The following INPP5D variants were observed in gnomAD, a reference collection of about 807,000 sequenced individuals.
INPP5D encodes inositol polyphosphate-5-phosphatase D.
INPP5D carries 33 observed loss-of-function variants against 122.9 expected under a neutral mutation model. The observed-to-expected ratio is 0.27, with a 90% CI of 0.20 to 0.36. The LOEUF is 0.36. Among genes scored for constraint, INPP5D ranks in the 10% least tolerant of loss-of-function variants. INPP5D has a pLI of 1.00. For synonymous variants in INPP5D, 584 were observed against 576.2 expected (o/e 1.01, Z -0.19); for missense variants, 1,053 against 1,412.7 (o/e 0.75, Z 4.08).
chr2:233,178,609 A>T (rs527486856), intron 18 of INPP5D, among the ~76,000 whole-genome samples: 5 of 152,078 alleles, frequency 3.3e-5, no homozygotes, highest in Admixed American at 2.0e-4. Flanking sequence ...CAGACTCCCG[A>T]GTAGCTGGGA....
rs1390898684 is a variant in INPP5D at position 233,078,463 on chromosome 2, C to A, written c.135-872C>A. Among the ~76,000 whole-genome samples, 2 of 152,204 alleles carry A rather than the reference C, an allele frequency of 1.3e-5. No homozygotes were observed. Among genetic ancestry groups the A allele is most frequent in the Non-Finnish European group, 2.9e-5 (2 of 68,036 alleles). On this transcript the variant is annotated intron_variant, in intron 1 of 26. Transcript: ENST00000445964. The surrounding 1 kb of genome is among the most constrained non-coding windows in gnomAD (Gnocchi z 4.6). ...AGGTCTCGGCAAGGCTGGTGGCCAA[C>A]CCCTGGGAGATAATCCACGGGGCAT...
chr2:233,173,659 C>T (rs1336105195), intron 17 of INPP5D, among the ~76,000 whole-genome samples: 2 of 151,970 alleles, frequency 1.3e-5, no homozygotes, highest in African/African-American at 4.8e-5. Context: ...AGGCTGGGCA[C>T]CGTGGCTTAT....
intron 17 of INPP5D, among the ~76,000 whole-genome samples, chr2:233,176,453 A>G (rs1333625817): frequency 3.5e-5 from 4 of 112,796 alleles, no homozygotes; most frequent in Admixed American, 9.3e-5. Context: ...GGATGGGTGG[A>G]TAGGTGGATG....
intron 2 of INPP5D, among the ~76,000 whole-genome samples, chr2:233,113,942 T>C (rs1351015759): frequency 2.8e-5 from 4 of 142,606 alleles, no homozygotes; most frequent in African/African-American, 1.2e-4. Context: ...AGTCTCGCTC[T>C]GTCGCCCAGG....
At chr2:233,199,592 G>A (rs1214339632) in intron 25 of INPP5D, among the ~76,000 whole-genome samples, 2 of 151,870 alleles carry the variant, frequency 1.3e-5, no homozygotes. Flanking sequence ...CACTTTGGGA[G>A]GCCGAGGCAG....
At chr2:233,180,073 G>C (rs2106311880) in intron 18 of INPP5D, among the ~76,000 whole-genome samples, 1 of 152,226 alleles carries the variant, frequency 6.6e-6, no homozygotes, top group East Asian at 1.9e-4. Context: ...GCCAGTGCTG[G>C]CTTCTTAGCT....
chr2:233,068,885 C>G (rs1366213219), intron 1 of INPP5D, among the ~76,000 whole-genome samples: 1 of 152,092 alleles, frequency 6.6e-6, no homozygotes, highest in Admixed American at 6.6e-5. Flanking sequence ...TGGAAGCCAG[C>G]AGGAGGAAGG....
In INPP5D at chr2:233,193,951, G is replaced by A; in HGVS notation, c.2586G>A (p.Glu862=). The change falls in exon 23 of 27, where the codon GAG becomes GAA. Residue 862 remains glutamate, a synonymous_variant. Coordinates refer to ENST00000445964, the MANE Select transcript of INPP5D (RefSeq NM_001017915.3). ...AGACCTCTCAGGGCAAGACGAGGGAGAAGCTCTATGGTAAGCAGCAAGCCC... is the reference window on the plus strand; with the variant it reads ...AGACCTCTCAGGGCAAGACGAGGGAAAAGCTCTATGGTAAGCAGCAAGCCC... ...KLQTSQGKTR[E]KLYDFVKTER... 1 of 1,606,564 alleles carries A rather than the reference G, an allele frequency of 6.2e-7. No homozygotes were observed. Among genetic ancestry groups the A allele is most frequent in the African/African-American group, 1.3e-5 (1 of 74,906 alleles).
rs544820988 is a variant in INPP5D, at chr2:233,204,390, G to T, written c.3240G>T (p.Ala1080=). 29 of 1,610,258 alleles carry T rather than the reference G, an allele frequency of 1.8e-5. No homozygotes were observed. Among genetic ancestry groups the T allele is most frequent in the African/African-American group, 1.7e-4 (13 of 74,970 alleles). Reference sequence around the variant, plus strand: ...AGGGGCCCGGCAAGCAGGTGCCCGCGCCCCGGCTGCGCTCCTTCACGTGCT... The same window carrying T: ...AGGGGCCCGGCAAGCAGGTGCCCGCTCCCCGGCTGCGCTCCTTCACGTGCT... ...RGEGPGKQVP[A]PRLRSFTCSS... is the part of the protein sequence containing the mutation. Residue 1080 remains alanine, a synonymous_variant, in exon 26 of 27, where the codon GCG becomes GCT. Coordinates refer to ENST00000445964, the MANE Select transcript of INPP5D (RefSeq NM_001017915.3).
intron 3 of INPP5D, among the ~76,000 whole-genome samples, chr2:233,124,738 G>T (rs888190190): frequency 6.6e-6 from 1 of 152,272 alleles, no homozygotes; most frequent in Non-Finnish European, 1.5e-5. Flanking sequence ...GGGCATGGCT[G>T]TCTGGAGGAA....
intron 14 of INPP5D, chr2:233,169,608 A>G (rs1261688953): frequency 9.4e-6 from 7 of 742,392 alleles, no homozygotes; most frequent in Non-Finnish European, 1.5e-5. Context: ...TCTGAAGGTC[A>G]GAAAAGATAT....
chr2:233,175,686 G>GTT (rs35661704), intron 17 of INPP5D, among the ~76,000 whole-genome samples: 8,533 of 144,206 alleles, frequency 0.059, 574 homozygotes, highest in South Asian at 0.21. Context: ...AAAAACTTTT[G>GTT]TTTTTTTTTT....
At chr2:233,166,195 C>T (rs959224003) in intron 13 of INPP5D, among the ~76,000 whole-genome samples, 1 of 152,164 alleles carries the variant, frequency 6.6e-6, no homozygotes, top group Non-Finnish European at 1.5e-5. Flanking sequence ...TTCCATCGCT[C>T]CCTGGGCTTC....
intron 2 of INPP5D, among the ~76,000 whole-genome samples, chr2:233,102,575 T>C (rs1161136073): frequency 6.6e-6 from 1 of 152,064 alleles, no homozygotes. Flanking sequence ...CCACAGCGCC[T>C]CGGTGGCTCA....
rs1372271241 is a variant in INPP5D, at chr2:233,193,719, A to G, written c.2447-93A>G. 8.1e-6 allele frequency: 13 copies of G among 1,600,174 alleles called. No individual in the cohort carries two copies. In the East Asian group the frequency reaches 8.9e-5, roughly 11 times the overall value. ...ATTAAATAACCCTTGCCTGGGCTAT[A>G]GTTTCAAAGGACCAACTCTCCGGCC... is the stretch of plus-strand genomic sequence containing the variant. On this transcript the variant is annotated intron_variant, in intron 22 of 26. Coordinates refer to ENST00000445964, the MANE Select transcript of INPP5D (RefSeq NM_001017915.3).
chr2:233,119,130 C>T (rs560483240), intron 2 of INPP5D, among the ~76,000 whole-genome samples: 12 of 152,338 alleles, frequency 7.9e-5, no homozygotes, highest in Admixed American at 3.3e-4. Context: ...CATAAAATAA[C>T]GTGTCTTACT....
intron 2 of INPP5D, among the ~76,000 whole-genome samples, chr2:233,114,898 G>A (rs962246974): frequency 1.3e-5 from 2 of 149,938 alleles, no homozygotes; most frequent in East Asian, 1.9e-4. Context: ...ACAGAGTTTC[G>A]CTCTTGTCAC....
chr2:233,170,975 C>T lies in INPP5D; in HGVS notation c.1901-89C>T. The T allele has an allele frequency of 6.5e-7, 1 of 1,545,876 alleles. No individual in the cohort carries two copies. The highest frequency in any genetic ancestry group is 1.2e-5 in the South Asian group (1 of 84,284). On this transcript the variant is annotated intron_variant, in intron 16 of 26. Coordinates refer to ENST00000445964, the MANE Select transcript of INPP5D (RefSeq NM_001017915.3). The surrounding 1 kb of genome is among the most constrained non-coding windows in gnomAD (Gnocchi z 4.5). ...TTCCAGCCATCCTTTCGTCCCCTTT[C>T]CCCTGATTTCCTACCAGAAGAATAG...
chr2:233,178,892 C>T (rs1694715144), intron 18 of INPP5D, among the ~76,000 whole-genome samples: 1 of 152,166 alleles, frequency 6.6e-6, no homozygotes, highest in African/African-American at 2.4e-5. Context: ...TGCCCGCTGG[C>T]CACCTTTGTG....
Sources: gnomAD v4.1 joint callset for allele counts (sites outside exome capture counted in the v4.1 genomes callset) on GRCh38, gnomAD v4.1.1 for gene constraint, Gnocchi (gnomAD v3.1) non-coding constraint, MANE v1.5 for transcripts, NCBI Gene and HGNC (gene_info 2026-07-23, HGNC 2026-07-21) for gene names.